Variants in TMEM132D observed in about 807,000 individuals in gnomAD.
TMEM132D encodes mature OL transmembrane protein.
A neutral mutation model predicts 62.3 loss-of-function variants in TMEM132D; 21 were observed. The observed-to-expected ratio is 0.34, with a 90% CI of 0.24 to 0.49. The LOEUF (loss-of-function observed/expected upper bound fraction) is 0.49. TMEM132D is among the 20% of genes least tolerant of loss of function. The pLI is 0.99. For synonymous variants in TMEM132D, 621 were observed against 575.6 expected, an observed-to-expected ratio of 1.08 and a Z score of -1.13; for missense variants, 1,346 against 1,402.8, an observed-to-expected ratio of 0.96 and a Z score of 0.65.
chr12:129,759,735 A>C lies in TMEM132D; in HGVS notation c.80-59037T>G, dbSNP rs142057717. The stretch of plus-strand genomic sequence containing the variant: ...GAGATAGACAAATGTTGATGTATAC[A>C]GCTGTGTTACCAACATATTATTAAC... On this transcript the variant is annotated intron_variant, in intron 1 of 8. Transcript: ENST00000422113. Among the ~76,000 whole-genome samples, 716 of 152,368 alleles carry C rather than the reference A, an allele frequency of 4.7e-3. 8 individuals are homozygous for C. Among genetic ancestry groups the C allele is most frequent in the African/African-American group, 0.016 (666 of 41,590 alleles).
At chr12:129,872,608 T>A (rs1460515699) in intron 1 of TMEM132D, among the ~76,000 whole-genome samples, 1 of 152,242 alleles carries the variant, frequency 6.6e-6, no homozygotes, top group East Asian at 1.9e-4. Flanking sequence ...AGAAGAGTCA[T>A]GTTGTTGGGG....
At chr12:129,286,864 A>G (rs1459729772) in intron 4 of TMEM132D, among the ~76,000 whole-genome samples, 1 of 152,174 alleles carries the variant, frequency 6.6e-6, no homozygotes, top group Admixed American at 6.5e-5. Context: ...CCAGGCCAAC[A>G]TGGTGAAACC....
intron 1 of TMEM132D, among the ~76,000 whole-genome samples, chr12:129,872,776 T>C (rs1014432859): frequency 1.4e-4 from 22 of 152,212 alleles, no homozygotes; most frequent in African/African-American, 4.8e-4. Context: ...TGACCGTCCA[T>C]GCGTGAATGA....
intron 2 of TMEM132D, among the ~76,000 whole-genome samples, chr12:129,652,043 CG>C (rs763362202): frequency 4.6e-4 from 70 of 152,118 alleles, no homozygotes; most frequent in Non-Finnish European, 9.9e-4. Flanking sequence ...AGAACTAAAG[CG>C]AGGACCTGCA....
intron 1 of TMEM132D, among the ~76,000 whole-genome samples, chr12:129,871,394 T>C (rs1366861062): frequency 6.6e-6 from 1 of 152,028 alleles, no homozygotes; most frequent in African/African-American, 2.4e-5. Flanking sequence ...AAAGAGGGTG[T>C]CTCGATGACA....
chr12:129,695,095 G>A (rs960847012), intron 2 of TMEM132D, among the ~76,000 whole-genome samples: 3 of 152,230 alleles, frequency 2.0e-5, no homozygotes, highest in Admixed American at 6.5e-5. Context: ...TCTGGGAGCT[G>A]CCTGATTCAC....
At chr12:129,519,198 C>T (rs943807042) in intron 3 of TMEM132D, among the ~76,000 whole-genome samples, 1 of 152,058 alleles carries the variant, frequency 6.6e-6, no homozygotes, top group Non-Finnish European at 1.5e-5. Flanking sequence ...GAAAAACAGC[C>T]CTTTATTTTT....
chr12:129,753,810 C>T (rs952705404), intron 1 of TMEM132D, among the ~76,000 whole-genome samples: 1 of 152,192 alleles, frequency 6.6e-6, no homozygotes, highest in Admixed American at 6.5e-5. Flanking sequence ...CCCTGCTAAC[C>T]GTGCTGGGAA....
At chr12:129,452,125 G>A (rs535899836) in intron 3 of TMEM132D, among the ~76,000 whole-genome samples, 13 of 152,336 alleles carry the variant, frequency 8.5e-5, no homozygotes, top group African/African-American at 2.9e-4. Flanking sequence ...CAGGAATCAT[G>A]ATAGATGATA....
rs139949686 is a variant in TMEM132D at position 129,554,894 on chromosome 12, G to A, written c.969-23689C>T. On this transcript the variant is annotated intron_variant, in intron 2 of 8. Coordinates refer to ENST00000422113, the MANE Select transcript of TMEM132D (RefSeq NM_133448.3). ...CACAAAATGTTTCTGAAATGCTGACGGCCTGGTCTCCTTTGGTGACTTCTC... is the reference window on the plus strand; with the variant it reads ...CACAAAATGTTTCTGAAATGCTGACAGCCTGGTCTCCTTTGGTGACTTCTC... Among the ~76,000 whole-genome samples, 19 of 152,106 alleles carry A rather than the reference G, an allele frequency of 1.2e-4. No homozygotes were observed. In the South Asian group the frequency reaches 2.7e-3, roughly 22 times the overall value.
intron 4 of TMEM132D, among the ~76,000 whole-genome samples, chr12:129,328,255 C>T (rs1315742719): frequency 6.6e-6 from 1 of 152,222 alleles, no homozygotes; most frequent in East Asian, 1.9e-4. Flanking sequence ...ACACATTTCC[C>T]AGCTGCTTCC....
intron 3 of TMEM132D, among the ~76,000 whole-genome samples, chr12:129,480,452 CA>C (rs1313303114): frequency 6.6e-6 from 1 of 152,218 alleles, no homozygotes; most frequent in Non-Finnish European, 1.5e-5. Context: ...CAGGGAAGGA[CA>C]AAGCTCAGCT....
intron 1 of TMEM132D, among the ~76,000 whole-genome samples, chr12:129,764,001 C>T (rs1464899917): frequency 2.6e-5 from 4 of 152,188 alleles, no homozygotes; most frequent in African/African-American, 4.8e-5. Flanking sequence ...TCCTACCTTT[C>T]TCATGGTTAC....
At chr12:129,240,119 T>C (rs1371189574) in intron 4 of TMEM132D, among the ~76,000 whole-genome samples, 2 of 152,298 alleles carry the variant, frequency 1.3e-5, no homozygotes, top group African/African-American at 2.4e-5. Flanking sequence ...TTGGAAAATA[T>C]ACGCAAGCAT....
At chr12:129,344,350 C>T (rs1181041504) in intron 3 of TMEM132D, among the ~76,000 whole-genome samples, 1 of 152,072 alleles carries the variant, frequency 6.6e-6, no homozygotes, top group Non-Finnish European at 1.5e-5. Context: ...TGGCAAACCC[C>T]AAATGGATGA....
Position 129,101,602 on chromosome 12 carries a change from G to A in TMEM132D, c.1444-16900C>T, listed in dbSNP as rs533804664. Among the ~76,000 whole-genome samples the A allele has an allele frequency of 1.7e-3, 264 of 152,274 alleles. 1 individual carries two copies. Among genetic ancestry groups the A allele is most frequent in the Middle Eastern group, 3.4e-3 (1 of 294 alleles). On this transcript the variant is annotated intron_variant, in intron 5 of 8. Transcript: ENST00000422113. ...CCTCACAGTCAGAGCTACACTCTAC[G>A]TTTCCCGAGGTTGCTTAGTTACTAA...
chr12:129,244,111 T>C (rs545624269), intron 4 of TMEM132D, among the ~76,000 whole-genome samples: 282 of 151,596 alleles, frequency 1.9e-3, no homozygotes, highest in Non-Finnish European at 3.6e-3. Context: ...TCCGGCCGGG[T>C]GCGGTGGCTG....
In TMEM132D at chr12:129,779,349, T is replaced by C. The variant is rs1314578767; in HGVS notation, c.80-78651A>G. 2.0e-5 allele frequency among the ~76,000 whole-genome samples: 3 copies of C among 152,238 alleles called. No individual in the cohort carries two copies. The highest frequency in any genetic ancestry group is 6.5e-5 in the Admixed American group (1 of 15,292). On this transcript the variant is annotated intron_variant, in intron 1 of 8. Coordinates refer to ENST00000422113, the MANE Select transcript of TMEM132D (RefSeq NM_133448.3). This position sits in a 1 kb window ranked among gnomAD's most constrained non-coding sequence, Gnocchi z 4.1. ...TGTCGCCCAGGCTGGAGAGCAGTGG[T>C]GTTATCTCTGCTCACTACAACCTCC... is the stretch of plus-strand genomic sequence containing the variant.
In TMEM132D at chr12:129,810,762, C is replaced by T. The variant is rs192580541; in HGVS notation, c.79+92499G>A. On this transcript the variant is annotated intron_variant, in intron 1 of 8. Transcript: ENST00000422113. ...ACAAGTATTAATTTATCTTTCAACG[C>T]GTTAATAGGTTGAAGAAAAAACATA... Among the ~76,000 whole-genome samples the T allele has an allele frequency of 1.6e-4, 25 of 152,136 alleles. No homozygotes were observed. In the East Asian group the frequency reaches 3.9e-3, roughly 24 times the overall value.
Sources: gnomAD v4.1 joint callset for allele counts (sites outside exome capture counted in the v4.1 genomes callset) on GRCh38, gnomAD v4.1.1 for gene constraint, Gnocchi (gnomAD v3.1) non-coding constraint, MANE v1.5 for transcripts, NCBI Gene and HGNC (gene_info 2026-07-23, HGNC 2026-07-21) for gene names.